The following PPP1R12A variants were observed in gnomAD, a reference collection of about 807,000 sequenced individuals.
The protein encoded by PPP1R12A is myosin binding subunit.
PPP1R12A carries 19 observed loss-of-function variants against 139.6 expected under a neutral mutation model. The observed-to-expected ratio is 0.14, with a 90% CI of 0.09 to 0.20. The LOEUF (loss-of-function observed/expected upper bound fraction) is 0.20, where lower values mean the gene tolerates loss of function less well. Among genes scored for constraint, PPP1R12A ranks in the 10% least tolerant of loss-of-function variants. PPP1R12A has a pLI of 1.00. For missense variants in PPP1R12A, 925 were observed against 1,211.5 expected (o/e 0.76, Z 3.51); for synonymous variants, 427 against 420.6 (o/e 1.02, Z -0.19).
intron 16 of PPP1R12A, 65 bp downstream of exon 16, chr12:79,797,130 T>A (rs1872585973): frequency 7.1e-7 from 1 of 1,402,238 alleles, no homozygotes; most frequent in African/African-American, 1.4e-5. Context: ...AAATCTCTTG[T>A]ATGTTAAGGA....
chr12:79,840,349 A>G (rs767950547), intron 3 of PPP1R12A, among the ~76,000 whole-genome samples: 19 of 152,232 alleles, frequency 1.2e-4, no homozygotes, highest in Non-Finnish European at 2.4e-4. Flanking sequence ...GTTAGCACTT[A>G]GCTTTTCGTC....
intron 3 of PPP1R12A, among the ~76,000 whole-genome samples, chr12:79,838,114 T>C (rs984670708): frequency 6.6e-6 from 1 of 152,206 alleles, no homozygotes; most frequent in Non-Finnish European, 1.5e-5. Flanking sequence ...AAAATGCTGA[T>C]AGTGATATGG....
At chr12:79,794,919 G>A (rs1241597656) in intron 18 of PPP1R12A, among the ~76,000 whole-genome samples, 1 of 151,974 alleles carries the variant, frequency 6.6e-6, no homozygotes, top group Non-Finnish European at 1.5e-5. Flanking sequence ...GTTAACTACG[G>A]TGTTAGAAAT....
intron 2 of PPP1R12A, 122 bp downstream of exon 2, chr12:79,872,686 A>C: frequency 4.5e-6 from 5 of 1,122,992 alleles, no homozygotes; most frequent in Non-Finnish European, 4.9e-6. Context: ...TCTTTCTTGG[A>C]AAGAATAATT....
At chr12:79,869,440 G>A (rs1454555979) in intron 2 of PPP1R12A, among the ~76,000 whole-genome samples, 3 of 152,186 alleles carry the variant, frequency 2.0e-5, no homozygotes, top group African/African-American at 4.8e-5. Context: ...AATGCAGTTA[G>A]TAAAGAAGCA....
At chr12:79,810,805 T>C (rs1450255532) in intron 9 of PPP1R12A, among the ~76,000 whole-genome samples, 1 of 152,178 alleles carries the variant, frequency 6.6e-6, no homozygotes, top group African/African-American at 2.4e-5. Context: ...TTTTAATCCA[T>C]GTATATACTC....
intron 2 of PPP1R12A, among the ~76,000 whole-genome samples, chr12:79,847,122 T>C (rs947150833): frequency 2.0e-5 from 3 of 152,186 alleles, no homozygotes; most frequent in Admixed American, 2.0e-4. Context: ...ATAAACACTA[T>C]CAACAGTAGG....
At chr12:79,913,501 TC>T (rs1284136357) in intron 1 of PPP1R12A, among the ~76,000 whole-genome samples, 1 of 152,218 alleles carries the variant, frequency 6.6e-6, no homozygotes, top group Non-Finnish European at 1.5e-5. Flanking sequence ...TCTGTCTGGA[TC>T]TTTTTCCACA....
intron 3 of PPP1R12A, among the ~76,000 whole-genome samples, chr12:79,842,511 C>T (rs1878848121): frequency 6.6e-6 from 1 of 151,966 alleles, no homozygotes; most frequent in Non-Finnish European, 1.5e-5. Flanking sequence ...CAGTAAAACA[C>T]AGCTCTAATA....
In PPP1R12A at chr12:79,909,170, C is replaced by A. The variant is rs1285003730; in HGVS notation, c.237+25525G>T. On this transcript the variant is annotated intron_variant, in intron 1 of 24. Transcript: ENST00000450142. ...CTGTAATTTATAAGCTTTGTTGTGACCCTACAGTCACATCTGTACCTCATT... is the reference window on the plus strand; with the variant it reads ...CTGTAATTTATAAGCTTTGTTGTGAACCTACAGTCACATCTGTACCTCATT... Among the ~76,000 whole-genome samples the A allele has an allele frequency of 1.3e-5, 2 of 152,158 alleles. 1 individual carries two copies. The highest frequency in any genetic ancestry group is 2.9e-5 in the Non-Finnish European group (2 of 68,026).
At chr12:79,908,010 TAG>T (rs1348571214) in intron 1 of PPP1R12A, among the ~76,000 whole-genome samples, 1 of 152,206 alleles carries the variant, frequency 6.6e-6, no homozygotes. Flanking sequence ...CCTCCATTAT[TAG>T]CCTAAGGAAA....
chr12:79,934,999 GGA>G lies in PPP1R12A; in HGVS notation c.-70_-69del. On this transcript the variant is annotated 5_prime_UTR_variant, in exon 1 of 25. Coordinates refer to ENST00000450142, the MANE Select transcript of PPP1R12A (RefSeq NM_002480.3). Reference sequence around the variant, plus strand: ...GGGGGAGGCGGAGAGGGAAGAGAGGGGAGGCAGGGGGTGTGTGAATGTTTCTA... The same window carrying G: ...GGGGGAGGCGGAGAGGGAAGAGAGGGGGCAGGGGGTGTGTGAATGTTTCTA... 1 of 1,494,776 alleles carries G rather than the reference GGA, an allele frequency of 6.7e-7. No homozygotes were observed. Among genetic ancestry groups the G allele is most frequent in the Non-Finnish European group, 8.9e-7 (1 of 1,119,544 alleles). 92.6% of individuals were successfully genotyped at this position (1,494,776 alleles called of 1,614,324 possible). A position where few individuals can be genotyped will look rare whatever the true frequency, so the allele number is the denominator to read the frequency against.
chr12:79,929,776 A>C (rs923465524), intron 1 of PPP1R12A, among the ~76,000 whole-genome samples: 1 of 152,172 alleles, frequency 6.6e-6, no homozygotes, highest in Admixed American at 6.5e-5. Context: ...CTCAAAAAAA[A>C]AAAAAGATTT....
intron 3 of PPP1R12A, among the ~76,000 whole-genome samples, chr12:79,834,400 G>T (rs571448998): frequency 6.6e-6 from 1 of 152,240 alleles, no homozygotes; most frequent in South Asian, 2.1e-4. Context: ...GATCACTTAG[G>T]ATGAAAAGTT....
intron 20 of PPP1R12A, 52 bp from the exon 21 acceptor site, chr12:79,788,835 TAAC>T (rs926196437): frequency 5.7e-5 from 84 of 1,468,140 alleles, no homozygotes; most frequent in Non-Finnish European, 7.2e-5. Context: ...TTTACAATTA[TAAC>T]AACATACATC....
chr12:79,844,951 C>A (rs1198324628), intron 3 of PPP1R12A, among the ~76,000 whole-genome samples: 1 of 152,150 alleles, frequency 6.6e-6, no homozygotes, highest in Non-Finnish European at 1.5e-5. Context: ...GCTTAAATGA[C>A]CCCTTATCAG....
chr12:79,787,775 T>C (rs1871306343), intron 21 of PPP1R12A: 1 of 152,308 alleles, frequency 6.6e-6, no homozygotes, highest in South Asian at 2.1e-4. Flanking sequence ...CCTCCCAAAG[T>C]GCTGGGATTA....
chr12:79,844,239 T>C (rs898754011), intron 3 of PPP1R12A, among the ~76,000 whole-genome samples: 2 of 152,190 alleles, frequency 1.3e-5, no homozygotes, highest in African/African-American at 4.8e-5. Context: ...CTCCCAAATT[T>C]ACATATCCAT....
intron 2 of PPP1R12A, among the ~76,000 whole-genome samples, chr12:79,860,671 T>C (rs1231814947): frequency 6.6e-6 from 1 of 152,184 alleles, no homozygotes; most frequent in African/African-American, 2.4e-5. Context: ...AGAGGAGGTA[T>C]TGCCACTGGA....
Sources: allele counts gnomAD v4.1 joint callset (sites outside exome capture counted in the v4.1 genomes callset), GRCh38; gene constraint gnomAD v4.1.1; transcripts MANE v1.5; gene names NCBI Gene and HGNC (gene_info 2026-07-23, HGNC 2026-07-21).